LRRC37A2: variants seen among roughly 807,000 people sequenced by gnomAD.
The protein encoded by LRRC37A2 is leucine rich repeat containing 37 member A2, also known as leucine-rich repeat-containing protein 37A2.
Under a neutral mutation model 68.8 loss-of-function variants are expected in LRRC37A2, and 9 were observed. The observed-to-expected ratio is 0.13, with a 90% confidence interval of 0.08 to 0.23. LRRC37A2 has a LOEUF of 0.23. Ranked by LOEUF, LRRC37A2 falls within the 10% of genes least tolerant of loss-of-function variation. LRRC37A2 has a pLI of 1.00. For missense variants in LRRC37A2, 168 were observed against 950.4 expected, an observed-to-expected ratio of 0.18 and a Z score of 10.82; for synonymous variants, 63 against 367.6, an observed-to-expected ratio of 0.17 and a Z score of 9.48.
At chr17:46,943,668 C>T in the LRRC37A2 span, among the ~76,000 whole-genome samples, 1 of 152,236 alleles carries the variant, frequency 6.6e-6, no homozygotes, top group East Asian at 1.9e-4. Context: ...GAGCCCATCC[C>T]CCATGCAGGG....
At chr17:47,024,239 C>T in the LRRC37A2 span, among the ~76,000 whole-genome samples, 1 of 152,136 alleles carries the variant, frequency 6.6e-6, no homozygotes, top group Non-Finnish European at 1.5e-5. Context: ...ACTTTATGCA[C>T]ATTATAGTTC....
chr17:46,836,029 G>A, the LRRC37A2 span, among the ~76,000 whole-genome samples: 16 of 151,646 alleles, frequency 1.1e-4, no homozygotes, highest in Non-Finnish European at 2.2e-4. Context: ...TGGGGCCTGC[G>A]AGGATGGTCA....
chr17:46,409,311 T>A, the LRRC37A2 span, among the ~76,000 whole-genome samples: 2 of 149,302 alleles, frequency 1.3e-5, no homozygotes, highest in Non-Finnish European at 3.0e-5. Context: ...TCTTTTTTTT[T>A]TTTAAGACAG....
the LRRC37A2 span, among the ~76,000 whole-genome samples, chr17:46,890,266 C>G: frequency 5.9e-5 from 9 of 152,240 alleles, no homozygotes; most frequent in Non-Finnish European, 8.8e-5. Flanking sequence ...GGTTTCCCAA[C>G]TCTGCCTAAA....
At chr17:46,760,633 C>CAAAAA in the LRRC37A2 span, among the ~76,000 whole-genome samples, 1 of 61,260 alleles carries the variant, frequency 1.6e-5, no homozygotes, top group African/African-American at 6.0e-5. Context: ...GACCCTATCT[C>CAAAAA]AAAAAAAAAA....
the LRRC37A2 span, among the ~76,000 whole-genome samples, chr17:46,890,339 T>C: frequency 6.6e-6 from 1 of 152,194 alleles, no homozygotes; most frequent in Non-Finnish European, 1.5e-5. Context: ...AATTCGGGTC[T>C]GTGAGTCCCC....
chr17:46,856,885 T>A, the LRRC37A2 span, among the ~76,000 whole-genome samples: 4 of 152,198 alleles, frequency 2.6e-5, no homozygotes, highest in African/African-American at 9.7e-5. Flanking sequence ...ATTTCTACCA[T>A]CCTAAAGGAT....
chr17:47,039,058 CAA>C, the LRRC37A2 span, among the ~76,000 whole-genome samples: 1 of 150,900 alleles, frequency 6.6e-6, no homozygotes, highest in Admixed American at 6.6e-5. Flanking sequence ...CTTCTAGCAA[CAA>C]AGTCTCTCAG....
the LRRC37A2 span, among the ~76,000 whole-genome samples, chr17:46,661,378 T>TTTATTATTATTATTATTATTATTA: frequency 4.7e-5 from 5 of 106,562 alleles, no homozygotes; most frequent in African/African-American, 2.2e-4. Context: ...TACATTTCTT[T>TTTATTATTATTATTATTATTATTA]TTATTATTAT....
At chr17:46,704,921 A>T in the LRRC37A2 span, 2 of 1,521,692 alleles carry the variant, frequency 1.3e-6, no homozygotes, top group Non-Finnish European at 1.8e-6. Flanking sequence ...GGCGAAAAGT[A>T]AGTGCCATTT....
chr17:46,923,111 G>A, the LRRC37A2 span: 7 of 1,003,806 alleles, frequency 7.0e-6, no homozygotes, highest in Non-Finnish European at 1.1e-5. Flanking sequence ...CCTGCGACCG[G>A]AAGCCGGAAA....
chr17:46,456,386 C>T, the LRRC37A2 span, among the ~76,000 whole-genome samples: 2 of 40,818 alleles, frequency 4.9e-5, no homozygotes, highest in Non-Finnish European at 1.0e-4. Flanking sequence ...AGTGAGCCAC[C>T]ACACCCAGCC....
the LRRC37A2 span, among the ~76,000 whole-genome samples, chr17:46,725,383 G>A: frequency 6.6e-6 from 1 of 152,066 alleles, no homozygotes; most frequent in Non-Finnish European, 1.5e-5. Context: ...GTAATTAGGG[G>A]GTAAAGGGAT....
chr17:46,985,519 C>CAAA, the LRRC37A2 span, among the ~76,000 whole-genome samples: 23 of 111,376 alleles, frequency 2.1e-4, no homozygotes, highest in Middle Eastern at 4.8e-3. Context: ...GATTCCATCT[C>CAAA]AAAAAAAAAA....
chr17:46,610,048 T>TTTCG, the LRRC37A2 span, among the ~76,000 whole-genome samples: 3 of 138,920 alleles, frequency 2.2e-5, no homozygotes, highest in Non-Finnish European at 4.8e-5. Flanking sequence ...TCTCTCTTTC[T>TTTCG]TTCTTTCTTT....
At chr17:46,440,403 T>A in the LRRC37A2 span, among the ~76,000 whole-genome samples, 5 of 80,440 alleles carry the variant, frequency 6.2e-5, no homozygotes, top group African/African-American at 1.7e-4. Flanking sequence ...TTTTATTTTT[T>A]TTTTTTTTGG....
At chr17:46,489,470 G>T in the LRRC37A2 span, among the ~76,000 whole-genome samples, 2 of 142,336 alleles carry the variant, frequency 1.4e-5, no homozygotes, top group Non-Finnish European at 1.5e-5. Flanking sequence ...TTGCTTGTTT[G>T]TTTTTTGTTT....
the LRRC37A2 span, among the ~76,000 whole-genome samples, chr17:46,793,742 G>A: frequency 2.0e-5 from 3 of 152,294 alleles, no homozygotes; most frequent in East Asian, 1.9e-4. Context: ...GATGACACAC[G>A]TTCCCAGCAC....
chr17:46,958,532 A>C, the LRRC37A2 span, among the ~76,000 whole-genome samples: 1 of 152,216 alleles, frequency 6.6e-6, no homozygotes. Flanking sequence ...ATCTGGAAGA[A>C]GCCTTAGAGA....
Sources: allele counts gnomAD v4.1 joint callset (sites outside exome capture counted in the v4.1 genomes callset), GRCh38; gene constraint gnomAD v4.1.1; transcripts MANE v1.5; gene names NCBI Gene and HGNC (gene_info 2026-07-23, HGNC 2026-07-21).